The following NDUFAF2 variants were observed in gnomAD, a reference collection of about 807,000 sequenced individuals.
NDUFAF2 encodes NADH dehydrogenase [ubiquinone] 1 alpha subcomplex assembly factor 2.
A neutral mutation model predicts 22.8 loss-of-function variants in NDUFAF2; 13 were observed. That is an observed-to-expected ratio of 0.57 (90% confidence interval 0.37 to 0.91). The LOEUF is 0.91. Ranked by LOEUF, NDUFAF2 falls within the 40% of genes least tolerant of loss-of-function variation. NDUFAF2 has a pLI of 0.01. For missense variants in NDUFAF2, 162 were observed against 195.2 expected (o/e 0.83, Z 1.01); for synonymous variants, 53 against 64.2 (o/e 0.83, Z 0.84).
At chr5:61,040,541 T>G (rs1751867948) in intron 1 of NDUFAF2, among the ~76,000 whole-genome samples, 1 of 151,936 alleles carries the variant, frequency 6.6e-6, no homozygotes, top group South Asian at 2.1e-4. Context: ...CTGAACATTC[T>G]CCCATAAATA....
intron 1 of NDUFAF2, among the ~76,000 whole-genome samples, chr5:61,071,381 G>C (rs1752297420): frequency 6.6e-6 from 1 of 152,150 alleles, no homozygotes; most frequent in African/African-American, 2.4e-5. Context: ...AGCCATTAAT[G>C]GGTTGTCTAT....
intron 1 of NDUFAF2, among the ~76,000 whole-genome samples, chr5:60,963,273 A>G (rs1750714986): frequency 6.6e-6 from 1 of 152,134 alleles, no homozygotes; most frequent in African/African-American, 2.4e-5. Flanking sequence ...GAAGATTTTT[A>G]TTTACCTTGA....
chr5:60,960,712 T>C (rs34155831), intron 1 of NDUFAF2, among the ~76,000 whole-genome samples: 30,271 of 152,178 alleles, frequency 0.2, 3,583 homozygotes, highest in Non-Finnish European at 0.26. Context: ...ATAAAATGAA[T>C]TGGAAATGTA....
At chr5:61,016,933 C>T (rs565829008) in intron 1 of NDUFAF2, among the ~76,000 whole-genome samples, 5 of 152,268 alleles carry the variant, frequency 3.3e-5, no homozygotes, top group Admixed American at 1.3e-4. Flanking sequence ...AGGCCTATCC[C>T]GAAGAAAGTA....
intron 1 of NDUFAF2, among the ~76,000 whole-genome samples, chr5:60,987,582 A>G (rs1170935233): frequency 6.6e-6 from 1 of 152,202 alleles, no homozygotes; most frequent in African/African-American, 2.4e-5. Flanking sequence ...ATGGTAATCC[A>G]CCATGATCAA....
At chr5:61,124,925 G>A (rs1561572392) in intron 3 of NDUFAF2, among the ~76,000 whole-genome samples, 2 of 152,092 alleles carry the variant, frequency 1.3e-5, no homozygotes, top group Non-Finnish European at 2.9e-5. Context: ...AATCATGACA[G>A]AAGGCAAAGG....
intron 2 of NDUFAF2, among the ~76,000 whole-genome samples, chr5:61,079,775 C>T (rs944419387): frequency 6.6e-6 from 1 of 152,196 alleles, no homozygotes; most frequent in African/African-American, 2.4e-5. Context: ...GTAGCTGTCA[C>T]CCAACTGGTA....
chr5:61,039,750 C>A (rs1373317743), intron 1 of NDUFAF2, among the ~76,000 whole-genome samples: 2 of 152,090 alleles, frequency 1.3e-5, no homozygotes, highest in Non-Finnish European at 2.9e-5. Context: ...TAGTAAGAAC[C>A]ATAGCATCTC....
chr5:61,108,518 A>G (rs1340551742), intron 3 of NDUFAF2, among the ~76,000 whole-genome samples: 2 of 151,336 alleles, frequency 1.3e-5, no homozygotes, highest in Admixed American at 1.3e-4. Context: ...CTTATGGGGT[A>G]TTTCTCAAGA....
intron 1 of NDUFAF2, among the ~76,000 whole-genome samples, chr5:61,018,975 A>G (rs1159729499): frequency 6.6e-6 from 1 of 152,038 alleles, no homozygotes; most frequent in Admixed American, 6.5e-5. Context: ...AAGTCTTAAG[A>G]TTTGTTTTCT....
intron 1 of NDUFAF2, among the ~76,000 whole-genome samples, chr5:61,058,453 T>G (rs1346950650): frequency 6.6e-6 from 1 of 152,030 alleles, no homozygotes; most frequent in Non-Finnish European, 1.5e-5. Context: ...AGATTGGAAT[T>G]TGTTTGCTTG....
chr5:61,137,446 A>G lies in NDUFAF2; in HGVS notation c.259-15258A>G, dbSNP rs75980602. Reference sequence around the variant, plus strand: ...TAAATAATAAGGATTATGAGATATGATAAGTGCTACAAAGTAAACTGGGTG... The same window carrying G: ...TAAATAATAAGGATTATGAGATATGGTAAGTGCTACAAAGTAAACTGGGTG... On this transcript the variant is annotated intron_variant, in intron 3 of 3. Transcript: ENST00000296597. Among the ~76,000 whole-genome samples, 1,196 of 152,338 alleles carry G rather than the reference A, an allele frequency of 7.9e-3. 15 individuals carry two copies. Among genetic ancestry groups the G allele is most frequent in the African/African-American group, 0.027 (1,120 of 41,580 alleles).
At chr5:61,074,296 A>T (rs551179898) in intron 2 of NDUFAF2, among the ~76,000 whole-genome samples, 1 of 152,292 alleles carries the variant, frequency 6.6e-6, no homozygotes, top group African/African-American at 2.4e-5. Context: ...TACTGAAAAT[A>T]TAAAAAATTA....
At chr5:61,150,712 C>T (rs1181330768) in intron 3 of NDUFAF2, among the ~76,000 whole-genome samples, 2 of 152,100 alleles carry the variant, frequency 1.3e-5, no homozygotes, top group African/African-American at 4.8e-5. Context: ...TCTGAGTATC[C>T]TCTTGCTGCT....
chr5:60,961,064 ATGGTGGTGGTAG>A lies in NDUFAF2; in HGVS notation c.127+15693_127+15704del, dbSNP rs1473814827. Among the ~76,000 whole-genome samples the A allele has an allele frequency of 3.9e-5, 6 of 152,226 alleles. No homozygotes were observed. The East Asian group carries it at 7.7e-4, about 20-fold the overall frequency. ...TTGTTGATGGTAGTGGTGATGGATG[ATGGTGGTGGTAG>A]TGGTGGTGGTGGTGGTGAATGAGAG... is the stretch of plus-strand genomic sequence containing the variant. On this transcript the variant is annotated intron_variant, in intron 1 of 3. Coordinates refer to ENST00000296597, the MANE Select transcript of NDUFAF2 (RefSeq NM_174889.5).
At chr5:61,151,134 A>ACTTTTC (rs1378120660) in intron 3 of NDUFAF2, among the ~76,000 whole-genome samples, 9 of 152,184 alleles carry the variant, frequency 5.9e-5, no homozygotes, top group African/African-American at 1.9e-4. Context: ...AACCACAAAA[A>ACTTTTC]CTTTTCCCCC....
chr5:61,143,939 T>G (rs954515057), intron 3 of NDUFAF2, among the ~76,000 whole-genome samples: 2 of 148,692 alleles, frequency 1.3e-5, no homozygotes, highest in African/African-American at 5.0e-5. Flanking sequence ...GCCAGAACAT[T>G]AAAGATGAAA....
Position 61,075,622 on chromosome 5 carries a change from G to C in NDUFAF2, c.217+2408G>C, listed in dbSNP as rs138266039. Among the ~76,000 whole-genome samples the C allele has an allele frequency of 8.3e-4, 127 of 152,252 alleles. 1 individual carries two copies. The East Asian group carries it at 0.023, about 28-fold the overall frequency. On this transcript the variant is annotated intron_variant, in intron 2 of 3. Coordinates refer to ENST00000296597, the MANE Select transcript of NDUFAF2 (RefSeq NM_174889.5). ...TTTCAGCCTTTGAGACTTTCAGAGA[G>C]TTTGAATGAAGTTCTAATCTTTTTA...
chr5:61,071,440 CA>C (rs1272224362), intron 1 of NDUFAF2, among the ~76,000 whole-genome samples: 2 of 152,136 alleles, frequency 1.3e-5, no homozygotes, highest in African/African-American at 4.8e-5. Context: ...GAAATAAAAC[CA>C]GCCATTCAGC....
Sources: allele counts gnomAD v4.1 joint callset (sites outside exome capture counted in the v4.1 genomes callset), GRCh38; gene constraint gnomAD v4.1.1; transcripts MANE v1.5; gene names NCBI Gene and HGNC (gene_info 2026-07-23, HGNC 2026-07-21).